The following MACF1 variants were observed in gnomAD, a reference collection of about 807,000 sequenced individuals.
MACF1 encodes the protein microtubule actin crosslinking factor 1.
A neutral mutation model predicts 854.8 loss-of-function variants in MACF1; 193 were observed. The ratio of observed to expected loss-of-function variants is 0.23; its 90% CI spans 0.20 to 0.25. The LOEUF is 0.25. MACF1 is among the 10% of genes least tolerant of loss of function. The pLI is 1.00. For synonymous variants in MACF1, 3,185 were observed against 3,226.7 expected, an observed-to-expected ratio of 0.99 and a Z score of 0.44; for missense variants, 7,722 against 8,929.1, an observed-to-expected ratio of 0.86 and a Z score of 5.45.
intron 84 of MACF1, among the ~76,000 whole-genome samples, chr1:39,450,435 G>C (rs1410221506): frequency 2.0e-5 from 3 of 151,908 alleles, no homozygotes; most frequent in Non-Finnish European, 4.4e-5. Context: ...TACTTAGAGT[G>C]GTATATGAGG....
At chr1:39,477,893 T>G (rs1644939450) in intron 97 of MACF1, among the ~76,000 whole-genome samples, 1 of 151,960 alleles carries the variant, frequency 6.6e-6, no homozygotes, top group African/African-American at 2.4e-5. Flanking sequence ...GAGAATGCCC[T>G]TCCTAAAACA....
chr1:39,469,097 G>A (rs958788956), intron 96 of MACF1, among the ~76,000 whole-genome samples: 1 of 152,170 alleles, frequency 6.6e-6, no homozygotes, highest in Non-Finnish European at 1.5e-5. Flanking sequence ...TGTAATTCCT[G>A]TGGCTGATAC....
chr1:39,137,555 G>A (rs1283361381), intron 2 of MACF1, among the ~76,000 whole-genome samples: 1 of 152,034 alleles, frequency 6.6e-6, no homozygotes, highest in Admixed American at 6.6e-5. Context: ...TTGTAAAGAC[G>A]AAGTCTCATT....
intron 56 of MACF1, among the ~76,000 whole-genome samples, chr1:39,385,010 A>G (rs1650560071): frequency 6.6e-6 from 1 of 152,248 alleles, no homozygotes; most frequent in African/African-American, 2.4e-5. Context: ...TTTCTGGCTT[A>G]TAGTTTTAAA....
intron 2 of MACF1, among the ~76,000 whole-genome samples, chr1:39,151,071 G>A (rs1643568551): frequency 6.6e-6 from 1 of 152,146 alleles, no homozygotes; most frequent in Non-Finnish European, 1.5e-5. Context: ...ACATGTTCCA[G>A]ATGAAACCCT....
intron 2 of MACF1, among the ~76,000 whole-genome samples, chr1:39,140,289 T>C (rs1038990967): frequency 3.3e-5 from 5 of 152,178 alleles, no homozygotes; most frequent in Non-Finnish European, 5.9e-5. Context: ...ATCCCATGTT[T>C]TTTCCACCAA....
At chr1:39,410,269 G>A in intron 58 of MACF1, 4 of 1,570,716 alleles carry the variant, frequency 2.5e-6, no homozygotes, top group Non-Finnish European at 3.5e-6. Context: ...AAAAAGGATG[G>A]GTAAGCCACT....
Position 39,084,285 on chromosome 1 carries a change from G to A in MACF1, c.67G>A (p.Glu23Lys), listed in dbSNP as rs777982637. Residue 23 changes from glutamate (E) to lysine (K), a missense_variant, in exon 2 of 94, where the codon GAG becomes AAG. Coordinates refer to the MACF1 transcript ENST00000361689. The surrounding 1 kb of genome is among the most constrained non-coding windows in gnomAD (Gnocchi z 5.2). ...TCGGAGTGAGCGGTCTTGTCGGAGT[G>A]AGCGATCTTACAGGAGCGAGCGGTC... 1 of 1,614,004 alleles carries A rather than the reference G, an allele frequency of 6.2e-7. No homozygotes were observed. Among genetic ancestry groups the A allele is most frequent in the Admixed American group, 1.7e-5 (1 of 60,028 alleles).
At chr1:39,402,922 T>C (rs917555513) in intron 58 of MACF1, among the ~76,000 whole-genome samples, 1 of 152,068 alleles carries the variant, frequency 6.6e-6, no homozygotes, top group Non-Finnish European at 1.5e-5. Context: ...ATCTCCTAAA[T>C]ATGTGGTTCC....
intron 2 of MACF1, among the ~76,000 whole-genome samples, chr1:39,173,126 G>C (rs1643974849): frequency 6.6e-6 from 1 of 152,096 alleles, no homozygotes; most frequent in Non-Finnish European, 1.5e-5. Context: ...TGGATCACAA[G>C]GTCAGGAGAT....
At chr1:39,141,919 T>C (rs1352136173) in intron 2 of MACF1, among the ~76,000 whole-genome samples, 11 of 152,188 alleles carry the variant, frequency 7.2e-5, no homozygotes, top group African/African-American at 2.7e-4. Flanking sequence ...TTGGTATTAT[T>C]ACCTGAGAAC....
At position 39,430,807 on chromosome 1, in the gene MACF1, G is replaced by A. The variant is rs924307997; in HGVS notation, c.17236G>A (p.Asp5746Asn). The A allele has an allele frequency of 4.5e-5, 73 of 1,612,550 alleles. No homozygotes were observed. Among genetic ancestry groups the A allele is most frequent in the Non-Finnish European group, 5.7e-5 (67 of 1,180,018 alleles). ...GCCCTGGAGAGCCAGAGAAGGGCTG[G>A]ATAAACTTGTGTCCGATGCTAACGA... ...LVPWRAREGL[D>N]KLVSDANEQY... The change falls in exon 66 of 101, where the codon GAT becomes AAT. Residue 5746 changes from aspartate (D) to asparagine (N), a missense_variant. By Grantham distance (23) the Asp-to-Asn change is conservative. Coordinates refer to ENST00000564288, the MANE Select transcript of MACF1 (RefSeq NM_001394062.1).
At chr1:39,242,574 C>G (rs2148323781) in intron 2 of MACF1, among the ~76,000 whole-genome samples, 1 of 151,928 alleles carries the variant, frequency 6.6e-6, no homozygotes, top group Admixed American at 6.6e-5. Flanking sequence ...CATGGCAAAA[C>G]CCCATCTCTA....
rs1280199869 is a variant in MACF1, at chr1:39,251,919, C to T, written c.335C>T (p.Ala112Val). The T allele has an allele frequency of 7.3e-6, 11 of 1,514,596 alleles. No homozygotes were observed. Among genetic ancestry groups the T allele is most frequent in the East Asian group, 5.1e-5 (2 of 39,056 alleles). 93.8% of individuals were successfully genotyped at this position (1,514,596 alleles called of 1,614,324 possible). Residue 112 changes from alanine to valine, a missense_variant, in exon 4 of 101, where the codon GCG becomes GTG. Ala to Val is a moderately conservative substitution (Grantham distance 64). Transcript: ENST00000564288. ...TGCCATACAAACAACGAGGAGCAGGCGGAGGAAGATGATGATGATGTAGTA... is the reference window on the plus strand; with the variant it reads ...TGCCATACAAACAACGAGGAGCAGGTGGAGGAAGATGATGATGATGTAGTA... The part of the protein sequence containing the change: ...SWCHTNNEEQ[A>V]EEDDDDVPRE...
chr1:39,179,198 T>G (rs77852878), intron 2 of MACF1, among the ~76,000 whole-genome samples: 37 of 152,370 alleles, frequency 2.4e-4, no homozygotes, highest in Non-Finnish European at 4.7e-4. Context: ...TTTTCTGATG[T>G]CCATCTTTGT....
At chr1:39,150,740 C>T (rs1269847752) in intron 2 of MACF1, among the ~76,000 whole-genome samples, 1 of 152,198 alleles carries the variant, frequency 6.6e-6, no homozygotes, top group Non-Finnish European at 1.5e-5. Flanking sequence ...CTTACTTGAC[C>T]TTTCTGTGGT....
rs767028712 is a variant in MACF1, at chr1:39,357,539, C to A, written c.11589C>A (p.Ala3863=). The change falls in exon 45 of 101, where the codon GCC becomes GCA. Residue 3863 remains alanine, a synonymous_variant. Coordinates refer to ENST00000564288, the MANE Select transcript of MACF1 (RefSeq NM_001394062.1). ...AGGAACAATACTCTACTTCCCTGGCCCAATCAGAGGCAGAACTGAAGCAGG... is the reference window on the plus strand; with the variant it reads ...AGGAACAATACTCTACTTCCCTGGCACAATCAGAGGCAGAACTGAAGCAGG... ...ELKEQYSTSL[A]QSEAELKQVQ... is the part of the protein sequence containing the mutation. 9 of 1,613,950 alleles carry A rather than the reference C, an allele frequency of 5.6e-6. No homozygotes were observed. In the African/African-American group the frequency reaches 1.2e-4, roughly 22 times the overall value.
intron 6 of MACF1, among the ~76,000 whole-genome samples, chr1:39,277,461 T>A (rs1292460285): frequency 6.6e-6 from 1 of 152,190 alleles, no homozygotes; most frequent in Non-Finnish European, 1.5e-5. Flanking sequence ...GTAAATAAAT[T>A]TCTAAAAGTT....
intron 5 of MACF1, among the ~76,000 whole-genome samples, chr1:39,256,247 A>G (rs1359388455): frequency 6.6e-6 from 1 of 152,114 alleles, no homozygotes; most frequent in African/African-American, 2.4e-5. Context: ...TTCACAATGA[A>G]AGGGGAAGGC....
Sources: gnomAD v4.1 joint callset for allele counts (sites outside exome capture counted in the v4.1 genomes callset) on GRCh38, gnomAD v4.1.1 for gene constraint, Gnocchi (gnomAD v3.1) non-coding constraint, MANE v1.5 for transcripts, NCBI Gene and HGNC (gene_info 2026-07-23, HGNC 2026-07-21) for gene names.